Variants in PCDHA4 observed in about 807,000 individuals in gnomAD.
PCDHA4 encodes the protein protocadherin alpha 4.
A neutral mutation model predicts 61.4 loss-of-function variants in PCDHA4; 49 were observed. The observed-to-expected ratio is 0.80, with a 90% CI of 0.63 to 1.01. The LOEUF is 1.01. Ranked by LOEUF, PCDHA4 falls within the 50% of genes least tolerant of loss-of-function variation. The pLI, the probability that PCDHA4 is intolerant of heterozygous loss-of-function variation, is 0.00. For synonymous variants in PCDHA4, 590 were observed against 550.3 expected (o/e 1.07, Z -1.01); for missense variants, 1,254 against 1,235.8 (o/e 1.01, Z -0.22).
rs34755515 is a variant in PCDHA4 at position 141,000,421 on chromosome 5, A to ATTT, written c.2534-9185_2534-9183dup. 5.4e-3 allele frequency among the ~76,000 whole-genome samples: 150 copies of ATTT among 27,982 alleles called. 11 individuals are homozygous for ATTT. Among genetic ancestry groups the ATTT allele is most frequent in the Non-Finnish European group, 6.0e-3 (106 of 17,660 alleles). The allele number at this position is 27,982 out of a possible 152,430, so 18.4% of individuals were successfully genotyped here. On this transcript the variant is annotated intron_variant, in intron 3 of 3. Coordinates refer to ENST00000530339, the MANE Select transcript of PCDHA4 (RefSeq NM_018907.4). ...TATATATATATATATATATATATAT[A>ATTT]TTTTTTTTTTTTTTTTTTTTTTTGA...
chr5:140,884,734 C>G, intron 1 of PCDHA4: 1 of 1,445,332 alleles, frequency 6.9e-7, no homozygotes. Flanking sequence ...TTTAAGACAT[C>G]TTTCCTGCCA....
chr5:140,909,801 T>C (rs1462008196), intron 1 of PCDHA4, among the ~76,000 whole-genome samples: 1 of 152,134 alleles, frequency 6.6e-6, no homozygotes, highest in African/African-American at 2.4e-5. Context: ...AGACTTCAGC[T>C]AAAACTCCAT....
intron 1 of PCDHA4, chr5:140,927,229 C>G (rs781833160): frequency 1.2e-6 from 2 of 1,614,008 alleles, no homozygotes; most frequent in African/African-American, 1.3e-5. Context: ...GATTCGGATT[C>G]ACGTCCTGGA....
At position 140,882,112 on chromosome 5, in the gene PCDHA4, C is replaced by A. The variant is rs1399071152; in HGVS notation, c.2385+72540C>A. On this transcript the variant is annotated intron_variant, in intron 1 of 3. Transcript: ENST00000530339. ...CTGAGAACGTTTCCGCGAAGAAAGC[C>A]GCCGTTTCTTTCTTCCTGCAGAAAA... 4 of 1,384,574 alleles carry A rather than the reference C, an allele frequency of 2.9e-6. No individual in the cohort carries two copies. The Admixed American group carries it at 7.3e-5, about 25-fold the overall frequency. 85.8% of individuals were successfully genotyped at this position (1,384,574 alleles called of 1,614,324 possible).
chr5:140,941,685 A>G (rs983394705), intron 1 of PCDHA4, among the ~76,000 whole-genome samples: 2 of 151,952 alleles, frequency 1.3e-5, no homozygotes, highest in Non-Finnish European at 2.9e-5. Flanking sequence ...TATTCTGTTT[A>G]CCTCTTTGGG....
intron 1 of PCDHA4, chr5:140,927,653 G>T: frequency 6.2e-7 from 1 of 1,614,190 alleles, no homozygotes; most frequent in Non-Finnish European, 8.5e-7. Context: ...GTGTTATTCC[G>T]AGTTCAAGCC....
At chr5:140,850,363 G>T (rs1287210610) in intron 1 of PCDHA4, 3 of 1,597,818 alleles carry the variant, frequency 1.9e-6, no homozygotes, top group African/African-American at 1.3e-5. Flanking sequence ...ATCCCGTTCC[G>T]CGTGGGGCTG....
chr5:140,869,934 A>ATTTTTTTTC, intron 1 of PCDHA4: 1 of 1,612,052 alleles, frequency 6.2e-7, no homozygotes, highest in African/African-American at 1.3e-5. Context: ...ATGGAGAGGT[A>ATTTTTTTTC]ACATACTCCT....
At chr5:140,984,945 C>A (rs1316955910) in intron 3 of PCDHA4, among the ~76,000 whole-genome samples, 1 of 149,212 alleles carries the variant, frequency 6.7e-6, no homozygotes, top group Non-Finnish European at 1.5e-5. Flanking sequence ...AATGTCTAAT[C>A]TTTTTTTTTT....
intron 2 of PCDHA4, among the ~76,000 whole-genome samples, chr5:140,981,839 A>T (rs950232298): frequency 6.6e-6 from 1 of 152,116 alleles, no homozygotes; most frequent in Non-Finnish European, 1.5e-5. Flanking sequence ...AAGGTCTCCC[A>T]GTTTGTATCT....
chr5:140,911,187 G>A (rs911666410), intron 1 of PCDHA4, among the ~76,000 whole-genome samples: 1 of 152,102 alleles, frequency 6.6e-6, no homozygotes, highest in Non-Finnish European at 1.5e-5. Context: ...TGTGGGTTGG[G>A]GAGGACATGT....
At chr5:140,870,139 T>C in intron 1 of PCDHA4, 1 of 1,613,992 alleles carries the variant, frequency 6.2e-7, no homozygotes, top group Non-Finnish European at 8.5e-7. Flanking sequence ...CAACGATAAC[T>C]CTCCTGAAGT....
intron 1 of PCDHA4, chr5:140,967,752 C>T: frequency 1.2e-6 from 2 of 1,614,194 alleles, no homozygotes; most frequent in Middle Eastern, 1.6e-4. Context: ...GAGGAAGCCT[C>T]CTCCTACCAG....
At chr5:140,892,702 A>G (rs1391662001) in intron 1 of PCDHA4, among the ~76,000 whole-genome samples, 1 of 152,240 alleles carries the variant, frequency 6.6e-6, no homozygotes, top group Admixed American at 6.5e-5. Flanking sequence ...AAATCAGGGT[A>G]ATTAGCATAT....
At chr5:140,894,141 C>G (rs552932940) in intron 1 of PCDHA4, among the ~76,000 whole-genome samples, 169 of 152,150 alleles carry the variant, frequency 1.1e-3, no homozygotes, top group African/African-American at 3.9e-3. Context: ...AAATAATTCC[C>G]TTCTATGTAA....
Position 140,807,576 on chromosome 5 carries a change from C to G in PCDHA4, c.389C>G (p.Pro130Arg), listed in dbSNP as rs1763970133. 3 of 1,614,160 alleles carry G rather than the reference C, an allele frequency of 1.9e-6. No individual in the cohort carries two copies. In the East Asian group the frequency reaches 6.7e-5, roughly 36 times the overall value. The change falls in exon 1 of 4, where the codon CCG becomes CGG. Residue 130 changes from proline to arginine, a missense_variant. Physicochemically the swap from Pro to Arg is moderately radical, Grantham distance 103. Coordinates refer to ENST00000530339, the MANE Select transcript of PCDHA4 (RefSeq NM_018907.4). ...DVEVRDINDNPPVFPATQKNL... is the reference protein window; with the variant it reads ...DVEVRDINDNRPVFPATQKNL... ...GAGGTGAGGGACATTAACGATAACC[C>G]GCCGGTGTTCCCAGCAACACAAAAG...
chr5:140,807,419 A>C lies in PCDHA4; in HGVS notation c.232A>C (p.Asn78His), dbSNP rs1226782734. Residue 78 changes from asparagine to histidine, a missense_variant, in exon 1 of 4, where the codon AAT becomes CAT. Physicochemically the swap from Asn to His is moderately conservative, Grantham distance 68. Coordinates refer to ENST00000530339, the MANE Select transcript of PCDHA4 (RefSeq NM_018907.4). ...GGGCCGCGGAGGCCTTCTGGAGGTA[A>C]ATCTGCAGAATGGCATTTTGTTTGT... ...SKGRGGLLEV[N>H]LQNGILFVNS... 2 of 1,591,556 alleles carry C rather than the reference A, an allele frequency of 1.3e-6. No homozygotes were observed. Among genetic ancestry groups the C allele is most frequent in the Non-Finnish European group, 1.7e-6 (2 of 1,171,160 alleles).
Position 140,855,317 on chromosome 5 carries a change from G to A in PCDHA4, c.2385+45745G>A, listed in dbSNP as rs568738789. Among the ~76,000 whole-genome samples, 68 of 149,944 alleles carry A rather than the reference G, an allele frequency of 4.5e-4. 6 individuals are homozygous for A. Among genetic ancestry groups the A allele is most frequent in the African/African-American group, 1.6e-3 (65 of 40,966 alleles). The stretch of plus-strand genomic sequence containing the variant: ...CCAAAGTTATAAAATTGGAACATGA[G>A]GGAGGGAGAGGTTAAACGATTTTCC... On this transcript the variant is annotated intron_variant, in intron 1 of 3. Transcript: ENST00000530339.
chr5:140,835,981 T>C, intron 1 of PCDHA4: 2 of 1,613,332 alleles, frequency 1.2e-6, no homozygotes, highest in Non-Finnish European at 8.5e-7. Context: ...CTGTTGCAGT[T>C]CCAGGTGAGC....
Sources: allele counts gnomAD v4.1 joint callset (sites outside exome capture counted in the v4.1 genomes callset), GRCh38; gene constraint gnomAD v4.1.1; transcripts MANE v1.5; gene names NCBI Gene and HGNC (gene_info 2026-07-23, HGNC 2026-07-21).